MIA2: variants seen among roughly 807,000 people sequenced by gnomAD.
MIA2 encodes melanoma inhibitory activity protein 2.
Under a neutral mutation model 167.8 loss-of-function variants are expected in MIA2, and 127 were observed. That is an observed-to-expected ratio of 0.76 (90% confidence interval 0.66 to 0.88). The LOEUF (loss-of-function observed/expected upper bound fraction) is 0.88, where lower values mean the gene tolerates loss of function less well. MIA2 is among the 40% of genes least tolerant of loss of function. The pLI, the probability that MIA2 is intolerant of heterozygous loss-of-function variation, is 0.00. For synonymous variants in MIA2, 552 were observed against 541.9 expected, an observed-to-expected ratio of 1.02 and a Z score of -0.26; for missense variants, 1,690 against 1,624.7, an observed-to-expected ratio of 1.04 and a Z score of -0.69.
intron 16 of MIA2, among the ~76,000 whole-genome samples, chr14:39,303,910 C>T (rs1329386920): frequency 6.6e-6 from 1 of 151,706 alleles, no homozygotes; most frequent in Non-Finnish European, 1.5e-5. Context: ...TTTATTCCTT[C>T]TCTTTTCCAC....
At chr14:39,277,684 ATATGTGTG>A (rs2058234739) in intron 7 of MIA2, among the ~76,000 whole-genome samples, 1 of 9,380 alleles carries the variant, frequency 1.1e-4, no homozygotes, top group Admixed American at 6.8e-4. Context: ...ATATATATAT[ATATGTGTG>A]TATATATATA....
intron 2 of MIA2, among the ~76,000 whole-genome samples, chr14:39,239,921 G>A (rs894718989): frequency 1.3e-5 from 2 of 152,152 alleles, no homozygotes; most frequent in Admixed American, 1.3e-4. Context: ...AAAGAAATAT[G>A]TTCTTTAAAA....
intron 24 of MIA2, among the ~76,000 whole-genome samples, 190 bp from the exon 25 acceptor site, chr14:39,326,674 G>C (rs531421468): frequency 1.3e-4 from 20 of 149,160 alleles, no homozygotes; most frequent in Non-Finnish European, 2.8e-4. Context: ...TATTTAATCA[G>C]TTCTTATAAT....
chr14:39,264,400 T>C (rs967161930), intron 6 of MIA2, among the ~76,000 whole-genome samples: 2 of 152,210 alleles, frequency 1.3e-5, no homozygotes, highest in African/African-American at 4.8e-5. Context: ...AGTGCTGCAA[T>C]GAACATGAGA....
intron 18 of MIA2, among the ~76,000 whole-genome samples, chr14:39,309,825 T>G (rs1050815747): frequency 5.9e-5 from 9 of 152,180 alleles, no homozygotes; most frequent in Non-Finnish European, 1.2e-4. Flanking sequence ...GTTCAGTGCC[T>G]TTATATATTG....
At chr14:39,237,865 G>C (rs1204897757) in intron 2 of MIA2, among the ~76,000 whole-genome samples, 1 of 151,984 alleles carries the variant, frequency 6.6e-6, no homozygotes, top group Admixed American at 6.6e-5. Context: ...TCAGCCTCCC[G>C]AATAGCTGGG....
intron 9 of MIA2, among the ~76,000 whole-genome samples, chr14:39,288,458 TATATATA>T (rs1304627473): frequency 0.038 from 602 of 16,000 alleles, 57 homozygotes; most frequent in South Asian, 0.087. Context: ...TATATATATA[TATATATA>T]TATATATATA....
chr14:39,330,585 C>T (rs1021186353), intron 25 of MIA2, among the ~76,000 whole-genome samples: 1 of 152,174 alleles, frequency 6.6e-6, no homozygotes, highest in Non-Finnish European at 1.5e-5. Flanking sequence ...CCCGCTTGAT[C>T]TCCTGTGGGT....
intron 23 of MIA2, among the ~76,000 whole-genome samples, chr14:39,368,594 T>C (rs1421086019): frequency 1.3e-5 from 2 of 152,144 alleles, no homozygotes; most frequent in Non-Finnish European, 2.9e-5. Flanking sequence ...TTTCTGAAAT[T>C]CTGGGAATTT....
chr14:39,242,313 G>A (rs1254189891), intron 3 of MIA2, among the ~76,000 whole-genome samples: 1 of 144,412 alleles, frequency 6.9e-6, no homozygotes, highest in Non-Finnish European at 1.5e-5. Flanking sequence ...TTCCTTCATA[G>A]TACTTATTGC....
intron 23 of MIA2, among the ~76,000 whole-genome samples, chr14:39,361,088 C>T (rs942733450): frequency 2.6e-5 from 4 of 152,120 alleles, no homozygotes; most frequent in African/African-American, 7.2e-5. Flanking sequence ...TAATGTGATG[C>T]CCCCACCTTG....
At chr14:39,336,779 C>T (rs965756054) in intron 25 of MIA2, among the ~76,000 whole-genome samples, 10 of 152,154 alleles carry the variant, frequency 6.6e-5, no homozygotes, top group Non-Finnish European at 1.5e-4. Context: ...CAGGTTCTCA[C>T]TTTGTCACCC....
Position 39,234,717 on chromosome 14 carries a change from A to G in MIA2, c.115+488A>G, listed in dbSNP as rs1039265291. Among the ~76,000 whole-genome samples the G allele has an allele frequency of 2.0e-5, 3 of 152,222 alleles. No homozygotes were observed. The East Asian group carries it at 5.8e-4, about 29-fold the overall frequency. ...TTTTTATTTCAAACCATCATGATTT[A>G]TTCTTCTAAACTTTACTAAATGTTA... On this transcript the variant is annotated intron_variant, in intron 1 of 28. Transcript: ENST00000640607.
downstream of MIA2, among the ~76,000 whole-genome samples, chr14:39,355,104 G>A (rs530068793): frequency 2.4e-3 from 356 of 150,978 alleles, 3 homozygotes; most frequent in African/African-American, 8.1e-3. Flanking sequence ...AAAGTCATTG[G>A]TAGCTTGATG....
intron 6 of MIA2, among the ~76,000 whole-genome samples, chr14:39,272,944 A>G (rs2057393017): frequency 6.6e-6 from 1 of 152,144 alleles, no homozygotes; most frequent in African/African-American, 2.4e-5. Flanking sequence ...TTTCATTTTC[A>G]GGTTGCTCAT....
chr14:39,303,765 A>C (rs746574329), intron 16 of MIA2, among the ~76,000 whole-genome samples: 10 of 152,040 alleles, frequency 6.6e-5, no homozygotes, highest in Admixed American at 2.6e-4. Flanking sequence ...TTCGGATAAG[A>C]CTATATTTAA....
In MIA2 at chr14:39,242,415, T is replaced by C. The variant is rs932362849; in HGVS notation, c.336+1768T>C. Among the ~76,000 whole-genome samples, 87 of 151,530 alleles carry C rather than the reference T, an allele frequency of 5.7e-4. 1 individual carries two copies. The highest frequency in any genetic ancestry group is 1.9e-3 in the African/African-American group (80 of 41,254). ...TCTGCTCACTGCAACCTCCGCCTCC[T>C]GGGTTCAAGTGATTCTCCTGCCTCA... On this transcript the variant is annotated intron_variant, in intron 3 of 28. Transcript: ENST00000640607.
chr14:39,348,712 T>A, intron 27 of MIA2, 31 bp from the exon 28 acceptor site: 1 of 1,610,570 alleles, frequency 6.2e-7, no homozygotes. Flanking sequence ...ATTTACTGTT[T>A]TAGTGACTGC....
rs565081003 is a variant in MIA2, at chr14:39,368,914, A to G, written c.2249-17971A>G. Among the ~76,000 whole-genome samples the G allele has an allele frequency of 9.9e-5, 15 of 152,130 alleles. No individual in the cohort carries two copies. In the South Asian group the frequency reaches 3.1e-3, roughly 32 times the overall value. On this transcript the variant is annotated intron_variant, in intron 23 of 23. Coordinates refer to the MIA2 transcript ENST00000341502. ...ATTTATTATCTTCTTCAATCTCTCTATATTAGAGCTTTCTAAAAGTTGTCT... is the reference window on the plus strand; with the variant it reads ...ATTTATTATCTTCTTCAATCTCTCTGTATTAGAGCTTTCTAAAAGTTGTCT...
Sources: allele counts gnomAD v4.1 joint callset (sites outside exome capture counted in the v4.1 genomes callset), GRCh38; gene constraint gnomAD v4.1.1; transcripts MANE v1.5; gene names NCBI Gene and HGNC (gene_info 2026-07-23, HGNC 2026-07-21).